RBFOX1: variants seen among roughly 807,000 people sequenced by gnomAD.
The protein encoded by RBFOX1 is RNA binding protein fox-1 homolog 1.
RBFOX1 carries 8 observed loss-of-function variants against 57.7 expected under a neutral mutation model. The observed-to-expected ratio is 0.14, with a 90% CI of 0.08 to 0.25. RBFOX1 has a LOEUF of 0.25. Among genes scored for constraint, RBFOX1 ranks in the 10% least tolerant of loss-of-function variants. The pLI, the probability that RBFOX1 is intolerant of heterozygous loss-of-function variation, is 1.00. For synonymous variants in RBFOX1, 326 were observed against 222.4 expected (o/e 1.47, Z -4.15); for missense variants, 611 against 548.5 (o/e 1.11, Z -1.14).
At chr16:6,895,688 A>C (rs554502863) in intron 3 of RBFOX1, among the ~76,000 whole-genome samples, 17 of 151,810 alleles carry the variant, frequency 1.1e-4, no homozygotes, top group African/African-American at 3.9e-4. Context: ...CTGATGGAAG[A>C]AATAAAGGAA....
chr16:7,485,117 C>T (rs1372136424), intron 4 of RBFOX1, among the ~76,000 whole-genome samples: 2 of 151,802 alleles, frequency 1.3e-5, no homozygotes, highest in African/African-American at 2.4e-5. Context: ...AAGTCTTATT[C>T]CCTCAGGTAG....
intron 3 of RBFOX1, among the ~76,000 whole-genome samples, chr16:6,934,785 C>G (rs112056582): frequency 0.014 from 2,159 of 152,176 alleles, 59 homozygotes; most frequent in African/African-American, 0.048. Flanking sequence ...CTTTGTGTAT[C>G]ACTTGAATGG....
At chr16:5,246,293 T>C (rs551519436) in intron 1 of RBFOX1, among the ~76,000 whole-genome samples, 2 of 152,218 alleles carry the variant, frequency 1.3e-5, no homozygotes, top group Non-Finnish European at 2.9e-5. Flanking sequence ...TAATAATTAT[T>C]TTTGTAAAGA....
chr16:5,359,819 A>G (rs943981059), intron 1 of RBFOX1, among the ~76,000 whole-genome samples: 3 of 152,094 alleles, frequency 2.0e-5, no homozygotes. Context: ...TTAACAGGGA[A>G]CTGTGGTTAA....
chr16:5,720,365 A>G (rs2051883090), intron 3 of RBFOX1, among the ~76,000 whole-genome samples: 1 of 152,196 alleles, frequency 6.6e-6, no homozygotes, highest in Non-Finnish European at 1.5e-5. Context: ...CTCCCATTCT[A>G]CAGGTTGTGT....
At chr16:7,651,339 G>A (rs892239195) in intron 11 of RBFOX1, among the ~76,000 whole-genome samples, 2 of 152,080 alleles carry the variant, frequency 1.3e-5, no homozygotes, top group South Asian at 2.1e-4. Context: ...AACCCCACCC[G>A]CTCCCTTCAC....
chr16:6,379,804 T>C (rs999992080), intron 2 of RBFOX1, among the ~76,000 whole-genome samples: 1 of 152,042 alleles, frequency 6.6e-6, no homozygotes, highest in Admixed American at 6.5e-5. Context: ...CCACTAAGTT[T>C]TGTTGTGCAA....
At chr16:6,353,652 T>A (rs889459167) in intron 2 of RBFOX1, among the ~76,000 whole-genome samples, 1 of 152,106 alleles carries the variant, frequency 6.6e-6, no homozygotes, top group Admixed American at 6.5e-5. Flanking sequence ...GGCTTGTATC[T>A]AAGGACCCTC....
intron 4 of RBFOX1, among the ~76,000 whole-genome samples, chr16:5,978,734 G>T (rs184166228): frequency 6.6e-6 from 1 of 151,184 alleles, no homozygotes; most frequent in African/African-American, 2.4e-5. Context: ...AGGGGTACCA[G>T]TCCGGCGTCC....
intron 4 of RBFOX1, among the ~76,000 whole-genome samples, chr16:7,234,215 T>G (rs2093652461): frequency 6.6e-6 from 1 of 152,024 alleles, no homozygotes; most frequent in African/African-American, 2.4e-5. Context: ...CAGTGAGGGC[T>G]CACATGCTGG....
chr16:7,425,385 T>C (rs1240446807), intron 4 of RBFOX1, among the ~76,000 whole-genome samples: 1 of 152,178 alleles, frequency 6.6e-6, no homozygotes, highest in East Asian at 1.9e-4. Context: ...CATTGCTTCA[T>C]TTTTCCCTCA....
At chr16:6,272,782 A>G (rs896827463) in intron 1 of RBFOX1, among the ~76,000 whole-genome samples, 1 of 152,196 alleles carries the variant, frequency 6.6e-6, no homozygotes, top group Non-Finnish European at 1.5e-5. Flanking sequence ...ATAGACCTAC[A>G]TAAGTATGTC....
rs749806270 is a variant in RBFOX1 at position 6,859,165 on chromosome 16, G to GTA, written c.-15-192884_-15-192883dup. Among the ~76,000 whole-genome samples the GTA allele has an allele frequency of 7.1e-3, 381 of 53,896 alleles. 15 individuals carry two copies. Among genetic ancestry groups the GTA allele is most frequent in the Admixed American group, 0.049 (284 of 5,844 alleles). The allele number at this position is 53,896 out of a possible 152,430, so 35.4% of individuals were successfully genotyped here. A position where few individuals can be genotyped will look rare whatever the true frequency, so the allele number is the denominator to read the frequency against. On this transcript the variant is annotated intron_variant, in intron 3 of 15. Transcript: ENST00000550418. Reference sequence around the variant, plus strand: ...CGTATATATATATGTATATATATACGTATATATATGTATATATATGTATAT... The same window carrying GTA: ...CGTATATATATATGTATATATATACGTATATATATATGTATATATATGTATAT...
chr16:7,216,851 C>G (rs1400823088), intron 4 of RBFOX1, among the ~76,000 whole-genome samples: 1 of 152,036 alleles, frequency 6.6e-6, no homozygotes, highest in Non-Finnish European at 1.5e-5. Context: ...TTACCAAGTT[C>G]TAGTCATTTA....
At chr16:6,913,964 C>T (rs1210993573) in intron 3 of RBFOX1, among the ~76,000 whole-genome samples, 3 of 152,206 alleles carry the variant, frequency 2.0e-5, no homozygotes, top group South Asian at 4.1e-4. Flanking sequence ...ATGATTTATA[C>T]TCCCCACCTC....
At chr16:7,238,238 G>C (rs2093874131) in intron 4 of RBFOX1, among the ~76,000 whole-genome samples, 1 of 152,072 alleles carries the variant, frequency 6.6e-6, no homozygotes. Context: ...AGTTTTGCAA[G>C]ATGAAAAGAG....
At chr16:5,513,060 C>T (rs148764560) in intron 2 of RBFOX1, among the ~76,000 whole-genome samples, 25 of 152,252 alleles carry the variant, frequency 1.6e-4, no homozygotes, top group African/African-American at 5.5e-4. Context: ...GGAAGGCAGG[C>T]GTGCACTACC....
rs1301821442 is a variant in RBFOX1, at chr16:7,474,003, C to T, written c.28-44144C>T. Among the ~76,000 whole-genome samples the T allele has an allele frequency of 2.0e-5, 3 of 152,114 alleles. No homozygotes were observed. In the South Asian group the frequency reaches 6.2e-4, roughly 32 times the overall value. On this transcript the variant is annotated intron_variant, in intron 4 of 15. Transcript: ENST00000550418. ...TATTATCTTTTCATTAAAAACAGCCCCCCGGCCGGGCATGGTGGCTCACGC... is the reference window on the plus strand; with the variant it reads ...TATTATCTTTTCATTAAAAACAGCCTCCCGGCCGGGCATGGTGGCTCACGC...
At chr16:5,310,660 G>T (rs917014251) in intron 1 of RBFOX1, among the ~76,000 whole-genome samples, 4 of 152,146 alleles carry the variant, frequency 2.6e-5, no homozygotes, top group Non-Finnish European at 5.9e-5. Context: ...TGAACAGGAG[G>T]GTTAGTGCTC....
Sources: allele counts gnomAD v4.1 joint callset (sites outside exome capture counted in the v4.1 genomes callset), GRCh38; gene constraint gnomAD v4.1.1; transcripts MANE v1.5; gene names NCBI Gene and HGNC (gene_info 2026-07-23, HGNC 2026-07-21).